ZCCHC7: variants seen among roughly 807,000 people sequenced by gnomAD.
The protein encoded by ZCCHC7 is zinc finger CCHC domain-containing protein 7.
A neutral mutation model predicts 52.0 loss-of-function variants in ZCCHC7; 35 were observed. The ratio of observed to expected loss-of-function variants is 0.67; its 90% CI spans 0.51 to 0.89. ZCCHC7 has a LOEUF of 0.89. Among genes scored for constraint, ZCCHC7 ranks in the 40% least tolerant of loss-of-function variants. The pLI, the probability that ZCCHC7 is intolerant of heterozygous loss-of-function variation, is 0.00. For synonymous variants in ZCCHC7, 217 were observed against 221.5 expected (o/e 0.98, Z 0.18); for missense variants, 574 against 649.1 (o/e 0.88, Z 1.26).
At chr9:37,155,450 G>A (rs760492377) in intron 2 of ZCCHC7, among the ~76,000 whole-genome samples, 16 of 151,882 alleles carry the variant, frequency 1.1e-4, no homozygotes, top group Non-Finnish European at 2.1e-4. Context: ...TAGTAGTTGT[G>A]CTTTTAATAT....
At chr9:37,253,135 A>T (rs760611747) in intron 2 of ZCCHC7, among the ~76,000 whole-genome samples, 11 of 152,252 alleles carry the variant, frequency 7.2e-5, no homozygotes, top group Admixed American at 4.6e-4. Context: ...GTCTATAGAT[A>T]CGGCAAGAAA....
chr9:37,304,118 C>T, intron 3 of ZCCHC7, 70 bp from the exon 4 acceptor site: 1 of 1,467,362 alleles, frequency 6.8e-7, no homozygotes, highest in Non-Finnish European at 9.3e-7. Context: ...TTGTCTTTAA[C>T]AAGAGTAGTA....
In ZCCHC7 at chr9:37,120,575, T is replaced by G; in HGVS notation, c.-70T>G. 2.5e-6 allele frequency: 1 copy of G among 399,348 alleles called. No homozygotes were observed. Among genetic ancestry groups the G allele is most frequent in the Non-Finnish European group, 4.4e-6 (1 of 226,340 alleles). The allele number at this position is 399,348 out of a possible 1,614,324, so 24.7% of individuals were successfully genotyped here. A position where few individuals can be genotyped will look rare whatever the true frequency, so the allele number is the denominator to read the frequency against. On this transcript the variant is annotated 5_prime_UTR_variant, in exon 1 of 9. Transcript: ENST00000336755. ...ATTTGTCCTCGCCCCTCCCCGTCCC[T>G]CTACGCGTTTTGGTTCCCGGTTGGT... is the stretch of plus-strand genomic sequence containing the variant.
At chr9:37,347,686 T>A (rs913902129) in intron 6 of ZCCHC7, among the ~76,000 whole-genome samples, 4 of 152,272 alleles carry the variant, frequency 2.6e-5, no homozygotes, top group Admixed American at 2.6e-4. Flanking sequence ...TTATGAGTAA[T>A]GATTTCTTTG....
intron 2 of ZCCHC7, among the ~76,000 whole-genome samples, chr9:37,266,527 T>C (rs1337140428): frequency 6.6e-6 from 1 of 152,230 alleles, no homozygotes; most frequent in Non-Finnish European, 1.5e-5. Context: ...CTGTTATTAA[T>C]TTTTAATTGT....
At chr9:37,180,613 A>C (rs1822300227) in intron 2 of ZCCHC7, among the ~76,000 whole-genome samples, 1 of 152,150 alleles carries the variant, frequency 6.6e-6, no homozygotes, top group Non-Finnish European at 1.5e-5. Context: ...TTCTTTTGGT[A>C]ACATTTTTGT....
intron 2 of ZCCHC7, among the ~76,000 whole-genome samples, chr9:37,248,644 G>A (rs664587): frequency 0.57 from 86,032 of 151,914 alleles, 24,999 homozygotes; most frequent in African/African-American, 0.7. Context: ...GCCTATAGCT[G>A]AAACCTGTTA....
intron 2 of ZCCHC7, among the ~76,000 whole-genome samples, chr9:37,136,079 A>C (rs980427316): frequency 6.6e-6 from 1 of 152,000 alleles, no homozygotes; most frequent in African/African-American, 2.4e-5. Flanking sequence ...ATTAGTTTCT[A>C]CCTTGCCTGG....
At chr9:37,346,987 C>A (rs1309074112) in intron 6 of ZCCHC7, among the ~76,000 whole-genome samples, 1 of 151,906 alleles carries the variant, frequency 6.6e-6, no homozygotes, top group African/African-American at 2.4e-5. Flanking sequence ...CAGGGGAAGA[C>A]CCTGTCCAAA....
chr9:37,226,344 T>A (rs1343123250), intron 2 of ZCCHC7, among the ~76,000 whole-genome samples: 1 of 152,204 alleles, frequency 6.6e-6, no homozygotes, highest in African/African-American at 2.4e-5. Flanking sequence ...ATTTTTAAGG[T>A]TGCAATTTTT....
chr9:37,306,761 C>CT (rs1265092730), intron 5 of ZCCHC7, among the ~76,000 whole-genome samples: 1 of 85,838 alleles, frequency 1.2e-5, no homozygotes, highest in African/African-American at 4.0e-5. Flanking sequence ...CTGTACCCGA[C>CT]CTTTTTTTTT....
At chr9:37,170,442 G>C (rs947521576) in intron 2 of ZCCHC7, among the ~76,000 whole-genome samples, 1 of 152,180 alleles carries the variant, frequency 6.6e-6, no homozygotes, top group Non-Finnish European at 1.5e-5. Flanking sequence ...ACAGAGTGTT[G>C]AGGAGAGTTC....
intron 2 of ZCCHC7, among the ~76,000 whole-genome samples, chr9:37,235,715 G>A (rs897072766): frequency 1.1e-4 from 17 of 151,320 alleles, no homozygotes; most frequent in Admixed American, 2.6e-4. Flanking sequence ...TCAGCCTCCC[G>A]AGCAGCTGGG....
chr9:37,169,024 G>A (rs1483536367), intron 2 of ZCCHC7, among the ~76,000 whole-genome samples: 1 of 152,106 alleles, frequency 6.6e-6, no homozygotes, highest in Non-Finnish European at 1.5e-5. Context: ...CGTTTGTGTA[G>A]CAATTCTTTG....
chr9:37,186,477 TA>T (rs1392727880), intron 2 of ZCCHC7, among the ~76,000 whole-genome samples: 2 of 152,204 alleles, frequency 1.3e-5, no homozygotes, highest in Non-Finnish European at 2.9e-5. Context: ...ATATGCTGTA[TA>T]TTTTTATCCC....
intron 6 of ZCCHC7, among the ~76,000 whole-genome samples, chr9:37,348,572 G>A (rs972345025): frequency 6.6e-6 from 1 of 151,996 alleles, no homozygotes; most frequent in Non-Finnish European, 1.5e-5. Context: ...TAGAGACGAG[G>A]TTTCACCATG....
At chr9:37,352,472 A>T (rs1430072719) in intron 7 of ZCCHC7, among the ~76,000 whole-genome samples, 1 of 147,562 alleles carries the variant, frequency 6.8e-6, no homozygotes, top group Non-Finnish European at 1.5e-5. Context: ...AGTTGAGTGT[A>T]TCAAGACCTC....
chr9:37,170,100 C>T (rs1778494107), intron 2 of ZCCHC7, among the ~76,000 whole-genome samples: 1 of 151,734 alleles, frequency 6.6e-6, no homozygotes, highest in Non-Finnish European at 1.5e-5. Flanking sequence ...AAAAAGTCTA[C>T]CCTAACCATT....
At chr9:37,272,949 A>G (rs979529035) in intron 2 of ZCCHC7, among the ~76,000 whole-genome samples, 1 of 152,218 alleles carries the variant, frequency 6.6e-6, no homozygotes, top group Non-Finnish European at 1.5e-5. Context: ...AGTTTTTTGC[A>G]GTTATAAACA....
Sources: allele counts gnomAD v4.1 joint callset (sites outside exome capture counted in the v4.1 genomes callset), GRCh38; gene constraint gnomAD v4.1.1; transcripts MANE v1.5; gene names NCBI Gene and HGNC (gene_info 2026-07-23, HGNC 2026-07-21).